C12orf56: variants seen among roughly 807,000 people sequenced by gnomAD.
C12orf56 encodes chromosome 12 open reading frame 56, also known as uncharacterized protein C12orf56.
A neutral mutation model predicts 69.9 loss-of-function variants in C12orf56; 71 were observed. That is an observed-to-expected ratio of 1.02 (90% confidence interval 0.84 to 1.24). The LOEUF is 1.24. Among genes scored for constraint, C12orf56 ranks in the 50% most tolerant of loss-of-function variants. C12orf56 has a pLI of 0.00. For synonymous variants in C12orf56, 276 were observed against 274.1 expected, an observed-to-expected ratio of 1.01 and a Z score of -0.07; for missense variants, 732 against 738.5, an observed-to-expected ratio of 0.99 and a Z score of 0.10.
chr12:64,381,102 C>T (rs1170277629), intron 1 of C12orf56, among the ~76,000 whole-genome samples: 1 of 151,980 alleles, frequency 6.6e-6, no homozygotes, highest in African/African-American at 2.4e-5. Context: ...CCTGAGAATT[C>T]GGGGATTAGA....
chr12:64,298,526 A>C (rs1159690709), intron 6 of C12orf56, among the ~76,000 whole-genome samples: 1 of 152,186 alleles, frequency 6.6e-6, no homozygotes, highest in Non-Finnish European at 1.5e-5. Flanking sequence ...CTTATGTTTA[A>C]GTCTTTAATC....
intron 11 of C12orf56, 25 bp from the exon 12 acceptor site, chr12:64,270,739 T>C: frequency 6.4e-7 from 1 of 1,560,810 alleles, no homozygotes; most frequent in South Asian, 1.2e-5. Context: ...TACAGTTACA[T>C]GTAGGCTGTG....
chr12:64,283,538 C>G (rs2038159102), intron 8 of C12orf56, among the ~76,000 whole-genome samples: 1 of 152,236 alleles, frequency 6.6e-6, no homozygotes, highest in Non-Finnish European at 1.5e-5. Context: ...CCAGCCTCTC[C>G]TGCAGCTAGG....
chr12:64,319,748 C>T (rs2038746022), intron 3 of C12orf56, among the ~76,000 whole-genome samples: 1 of 152,164 alleles, frequency 6.6e-6, no homozygotes, highest in South Asian at 2.1e-4. Flanking sequence ...TAGGCAAAAA[C>T]AGGAGGTAAA....
At chr12:64,381,152 A>T (rs1344266825) in intron 1 of C12orf56, among the ~76,000 whole-genome samples, 2 of 152,002 alleles carry the variant, frequency 1.3e-5, no homozygotes, top group East Asian at 3.9e-4. Context: ...GTGAGTCAGG[A>T]GTGTTGATTG....
intron 1 of C12orf56, among the ~76,000 whole-genome samples, chr12:64,388,287 C>T (rs984085513): frequency 6.6e-6 from 1 of 152,000 alleles, no homozygotes; most frequent in Non-Finnish European, 1.5e-5. Context: ...AGCTGTGTCA[C>T]CCAGGCTGAA....
chr12:64,313,270 AAAAAAAAG>A (rs1198800779), intron 4 of C12orf56, among the ~76,000 whole-genome samples: 25 of 33,246 alleles, frequency 7.5e-4, no homozygotes, highest in African/African-American at 2.0e-3. Flanking sequence ...TCAAAAAAAA[AAAAAAAAG>A]AAAGAAAGAA....
At chr12:64,331,104 A>G in intron 2 of C12orf56, 72 bp from the exon 3 acceptor site, 5 of 1,248,666 alleles carry the variant, frequency 4.0e-6, no homozygotes, top group Non-Finnish European at 5.6e-6. Context: ...ACCTAGTCTC[A>G]TGTACTGATT....
At chr12:64,272,297 G>A (rs1474982231) in intron 11 of C12orf56, among the ~76,000 whole-genome samples, 2 of 152,130 alleles carry the variant, frequency 1.3e-5, no homozygotes, top group Non-Finnish European at 2.9e-5. Context: ...CTGAGGTCAG[G>A]AGTTTGAGAC....
intron 2 of C12orf56, among the ~76,000 whole-genome samples, chr12:64,331,630 T>C (rs2038931330): frequency 6.6e-6 from 1 of 152,206 alleles, no homozygotes; most frequent in South Asian, 2.1e-4. Flanking sequence ...CTAGTCCCAC[T>C]GCCCCTCCCA....
intron 6 of C12orf56, among the ~76,000 whole-genome samples, chr12:64,300,694 C>G (rs1398871691): frequency 6.6e-6 from 1 of 152,180 alleles, no homozygotes; most frequent in East Asian, 1.9e-4. Flanking sequence ...AATGTTTGTG[C>G]AGACATCCAG....
chr12:64,322,017 T>C (rs541441158), intron 3 of C12orf56, among the ~76,000 whole-genome samples: 1 of 150,630 alleles, frequency 6.6e-6, no homozygotes, highest in South Asian at 2.1e-4. Context: ...ATTATTATTA[T>C]TATTATTTTT....
intron 2 of C12orf56, among the ~76,000 whole-genome samples, chr12:64,334,392 G>C (rs773209186): frequency 2.6e-5 from 4 of 152,018 alleles, no homozygotes; most frequent in Non-Finnish European, 4.4e-5. Flanking sequence ...ATGGAAAATC[G>C]GTTCTAGGAT....
At chr12:64,315,720 T>A (rs991214336) in intron 4 of C12orf56, among the ~76,000 whole-genome samples, 3 of 152,120 alleles carry the variant, frequency 2.0e-5, no homozygotes, top group Non-Finnish European at 4.4e-5. Flanking sequence ...TCACCTGAAG[T>A]CAGGAGTTCA....
intron 1 of C12orf56, among the ~76,000 whole-genome samples, chr12:64,382,497 C>T (rs952923109): frequency 9.9e-5 from 15 of 151,898 alleles, no homozygotes; most frequent in African/African-American, 3.4e-4. Flanking sequence ...TAGTTCTTAC[C>T]ATGTTCTAAG....
At chr12:64,305,815 T>A (rs2038504469) in intron 5 of C12orf56, among the ~76,000 whole-genome samples, 1 of 152,218 alleles carries the variant, frequency 6.6e-6, no homozygotes. Context: ...CCACCATATT[T>A]CATTTAAAAA....
chr12:64,309,396 T>C (rs11175331), intron 5 of C12orf56, among the ~76,000 whole-genome samples: 40,795 of 152,220 alleles, frequency 0.27, 5,882 homozygotes, highest in Middle Eastern at 0.35. Context: ...TGCCCTTTTG[T>C]ATCTGGCTTA....
chr12:64,282,348 T>G (rs1159338546), intron 8 of C12orf56, among the ~76,000 whole-genome samples: 1 of 152,272 alleles, frequency 6.6e-6, no homozygotes, highest in Admixed American at 6.5e-5. Flanking sequence ...CATTCGTTCA[T>G]GTACTGCTTA....
rs547281423 is a variant in C12orf56, at chr12:64,383,524, G to A, written c.252+6790C>T. On this transcript the variant is annotated intron_variant, in intron 1 of 12. Transcript: ENST00000543942. ...TCCGAGTAGCTGGGACTACAGACGC[G>A]TGCCACCACATCCAGCTAATTTTTG... 5.9e-5 allele frequency among the ~76,000 whole-genome samples: 9 copies of A among 151,908 alleles called. No homozygotes were observed. In the South Asian group the frequency reaches 1.7e-3, roughly 28 times the overall value.
Sources: gnomAD v4.1 joint callset for allele counts (sites outside exome capture counted in the v4.1 genomes callset) on GRCh38, gnomAD v4.1.1 for gene constraint, MANE v1.5 for transcripts, NCBI Gene and HGNC (gene_info 2026-07-23, HGNC 2026-07-21) for gene names.